Variants in SPAG17 observed in about 807,000 individuals in gnomAD.
SPAG17 encodes the protein sperm associated antigen 17, also known as sperm-associated antigen 17.
In SPAG17, 169 loss-of-function variants were observed where a neutral mutation model predicts 273.6. The ratio of observed to expected loss-of-function variants is 0.62; its 90% confidence interval spans 0.55 to 0.70. The LOEUF is 0.70. Among genes scored for constraint, SPAG17 ranks in the 30% least tolerant of loss-of-function variants. The pLI is 0.00. For synonymous variants in SPAG17, 825 were observed against 873.2 expected (o/e 0.94, Z 0.97); for missense variants, 2,557 against 2,627.8 (o/e 0.97, Z 0.59).
chr1:118,099,577 CT>C (rs1655926385), intron 6 of SPAG17, 28 bp downstream of exon 6: 2 of 1,594,694 alleles, frequency 1.3e-6, no homozygotes, highest in African/African-American at 2.7e-5. Flanking sequence ...TATTGAAGGA[CT>C]CAGTAAGTTG....
At chr1:118,165,731 C>T (rs1182973435) in intron 1 of SPAG17, among the ~76,000 whole-genome samples, 2 of 150,300 alleles carry the variant, frequency 1.3e-5, no homozygotes, top group Admixed American at 6.6e-5. Flanking sequence ...CTGCAAGCTC[C>T]GCCTCCCGGG....
At chr1:118,140,014 A>G (rs113607343) in intron 3 of SPAG17, among the ~76,000 whole-genome samples, 1 of 152,174 alleles carries the variant, frequency 6.6e-6, no homozygotes, top group African/African-American at 2.4e-5. Context: ...CTGAGCTGGC[A>G]TATTAGCATA....
chr1:117,988,070 A>C lies in SPAG17; in HGVS notation c.5621+35T>G, dbSNP rs1228659985. 8.4e-6 allele frequency: 13 copies of C among 1,546,162 alleles called. No homozygotes were observed. In the Admixed American group the frequency reaches 1.9e-4, roughly 23 times the overall value. ...CCATTTCCTCAATCACTGCATACCT[A>C]ATACTAATTAGAACACATTATTGGA... On this transcript the variant is annotated intron_variant, in intron 39 of 48. Coordinates refer to ENST00000336338, the MANE Select transcript of SPAG17 (RefSeq NM_206996.4).
At chr1:117,958,998 G>A (rs776243159) in intron 48 of SPAG17, 2 of 1,613,772 alleles carry the variant, frequency 1.2e-6, no homozygotes, top group South Asian at 1.1e-5. Context: ...AGTCAGCCAA[G>A]TCCGGGTAAG....
chr1:118,165,645 C>CTTTTTTTT (rs5777341), intron 1 of SPAG17, among the ~76,000 whole-genome samples: 1 of 108,352 alleles, frequency 9.2e-6, no homozygotes, highest in African/African-American at 3.6e-5. Flanking sequence ...AAAAAACTTT[C>CTTTTTTTT]TTTTTTTTTT....
At chr1:118,097,544 A>G in intron 7 of SPAG17, 126 bp downstream of exon 7, 1 of 590,184 alleles carries the variant, frequency 1.7e-6, no homozygotes, top group Admixed American at 3.6e-5. Context: ...TCCTGAAGAT[A>G]AAAGAGCCTA....
chr1:118,049,734 T>TA (rs554690174), intron 20 of SPAG17, among the ~76,000 whole-genome samples: 80 of 151,556 alleles, frequency 5.3e-4, no homozygotes, highest in South Asian at 2.3e-3. Context: ...TGAGGAAAAA[T>TA]AAAAAAAACT....
intron 3 of SPAG17, among the ~76,000 whole-genome samples, chr1:118,129,053 T>C (rs1657904783): frequency 6.6e-6 from 1 of 152,106 alleles, no homozygotes; most frequent in Admixed American, 6.5e-5. Flanking sequence ...TCTTAAGGGA[T>C]GAGATTGCTG....
rs527564676 is a variant in SPAG17, at chr1:117,975,877, C to T, written c.6005-2316G>A. Among the ~76,000 whole-genome samples, 7 of 152,222 alleles carry T rather than the reference C, an allele frequency of 4.6e-5. No homozygotes were observed. In the East Asian group the frequency reaches 1.4e-3, roughly 29 times the overall value. ...TATGCATGTATCAGTCTAATAAGTA[C>T]TAATTTGTTGCTCATACTATTATTA... On this transcript the variant is annotated intron_variant, in intron 43 of 48. Transcript: ENST00000336338.
In SPAG17 at chr1:118,044,797, C is replaced by T. The variant is rs898949176; in HGVS notation, c.2815-2755G>A. Among the ~76,000 whole-genome samples, 4 of 152,238 alleles carry T rather than the reference C, an allele frequency of 2.6e-5. No individual in the cohort carries two copies. The East Asian group carries it at 7.8e-4, about 30-fold the overall frequency. On this transcript the variant is annotated intron_variant, in intron 20 of 48. Coordinates refer to ENST00000336338, the MANE Select transcript of SPAG17 (RefSeq NM_206996.4). ...CTCCCCCTTCATTCTCTTCCTCCCG[C>T]TCTAGTCATGGAGGATGTGCCTGCC...
rs560376668 is a variant in SPAG17, at chr1:117,977,504, G to A, written c.6004+3766C>T. Among the ~76,000 whole-genome samples, 32 of 152,198 alleles carry A rather than the reference G, an allele frequency of 2.1e-4. No individual in the cohort carries two copies. The South Asian group carries it at 6.6e-3, about 32-fold the overall frequency. On this transcript the variant is annotated intron_variant, in intron 43 of 48. Coordinates refer to ENST00000336338, the MANE Select transcript of SPAG17 (RefSeq NM_206996.4). The stretch of plus-strand genomic sequence containing the variant: ...GTTTCAGTTTCCTTAAGTAAAATGA[G>A]GGTTGTTGTAGGTGATTCACCTCTT...
At chr1:118,101,682 T>G in intron 5 of SPAG17, 58 bp downstream of exon 5, 2 of 1,530,896 alleles carry the variant, frequency 1.3e-6, no homozygotes, top group South Asian at 2.4e-5. Flanking sequence ...CTGGTCTCAT[T>G]TTATTGCCAC....
intron 1 of SPAG17, among the ~76,000 whole-genome samples, chr1:118,173,345 G>A (rs1341909153): frequency 6.6e-6 from 1 of 152,138 alleles, no homozygotes; most frequent in Non-Finnish European, 1.5e-5. Flanking sequence ...TCCCATCTGT[G>A]AGCCAGAGGA....
rs567692119 is a variant in SPAG17 at position 118,108,133 on chromosome 1, C to T, written c.448-6207G>A. ...CATTCTGCTCTCTCCCCATGGCTGACCATAATGGTGGTCTACTTATTCCTC... is the reference window on the plus strand; with the variant it reads ...CATTCTGCTCTCTCCCCATGGCTGATCATAATGGTGGTCTACTTATTCCTC... On this transcript the variant is annotated intron_variant, in intron 4 of 48. Coordinates refer to ENST00000336338, the MANE Select transcript of SPAG17 (RefSeq NM_206996.4). Among the ~76,000 whole-genome samples the T allele has an allele frequency of 2.6e-5, 4 of 152,256 alleles. No homozygotes were observed. The South Asian group carries it at 8.3e-4, about 32-fold the overall frequency.
At chr1:118,099,903 C>A in intron 5 of SPAG17, 103 bp from the exon 6 acceptor site, 1 of 998,228 alleles carries the variant, frequency 1.0e-6, no homozygotes, top group Non-Finnish European at 1.4e-6. Context: ...ATTTATAATC[C>A]CTCTGGCTTG....
At chr1:117,968,868 C>T (rs1024221) in intron 46 of SPAG17, among the ~76,000 whole-genome samples, 2,230 of 152,340 alleles carry the variant, frequency 0.015, 24 homozygotes, top group Non-Finnish European at 0.025. Flanking sequence ...GCCAGACTAA[C>T]TCACTTCATT....
chr1:118,039,388 A>G lies in SPAG17; in HGVS notation c.3223T>C (p.Leu1075=), dbSNP rs771632117. 1.5e-5 allele frequency: 24 copies of G among 1,613,362 alleles called. No homozygotes were observed. The South Asian group carries it at 1.6e-4, about 11-fold the overall frequency. The change falls in exon 23 of 49, where the codon TTA becomes CTA. Residue 1075 remains leucine (L), a synonymous_variant. Coordinates refer to ENST00000336338, the MANE Select transcript of SPAG17 (RefSeq NM_206996.4). ...VKDNHNFMIH[L]NDPKEIVKKE... The stretch of plus-strand genomic sequence containing the variant: ...TTCACAATTTCCTTAGGGTCATTTA[A>G]ATGAATCATAAAATTGTGGTTGTCC...
intron 1 of SPAG17, among the ~76,000 whole-genome samples, chr1:118,152,044 C>T (rs1436728213): frequency 1.3e-5 from 2 of 152,108 alleles, no homozygotes; most frequent in Non-Finnish European, 2.9e-5. Flanking sequence ...TTAAGAGTGG[C>T]GCTCACTGGA....
intron 1 of SPAG17, among the ~76,000 whole-genome samples, chr1:118,155,055 G>A (rs1659578917): frequency 6.6e-6 from 1 of 152,058 alleles, no homozygotes; most frequent in South Asian, 2.1e-4. Flanking sequence ...CTATGACCTG[G>A]AGGCATGTAT....
Sources: gnomAD v4.1 joint callset for allele counts (sites outside exome capture counted in the v4.1 genomes callset) on GRCh38, gnomAD v4.1.1 for gene constraint, MANE v1.5 for transcripts, NCBI Gene and HGNC (gene_info 2026-07-23, HGNC 2026-07-21) for gene names.